The following ZNF33A variants were observed in gnomAD, a reference collection of about 807,000 sequenced individuals.
ZNF33A encodes the protein brain my041 protein.
Under a neutral mutation model 15.9 loss-of-function variants are expected in ZNF33A, and 9 were observed. That is an observed-to-expected ratio of 0.57 (90% CI 0.34 to 0.99). The LOEUF is 0.99. Among genes scored for constraint, ZNF33A ranks in the 50% least tolerant of loss-of-function variants. The probability of loss-of-function intolerance (pLI) is 0.02; values close to 1 mark genes in which losing one functional copy is unlikely to be tolerated. For missense variants in ZNF33A, 843 were observed against 941.6 expected (o/e 0.90, Z 1.37); for synonymous variants, 294 against 324.2 (o/e 0.91, Z 1.00).
At chr10:38,033,713 T>C (rs796180996) in intron 4 of ZNF33A, among the ~76,000 whole-genome samples, 21 of 149,028 alleles carry the variant, frequency 1.4e-4, no homozygotes, top group African/African-American at 4.5e-4. Context: ...TTGAACATCT[T>C]TTTTTTTTTT....
At chr10:38,039,646 T>A in intron 4 of ZNF33A, 1 of 444,050 alleles carries the variant, frequency 2.3e-6, no homozygotes, top group Non-Finnish European at 4.5e-6. Context: ...TTTCCCATTT[T>A]GTTGAAGTTA....
intron 4 of ZNF33A, among the ~76,000 whole-genome samples, chr10:38,047,231 A>G (rs950815737): frequency 1.3e-5 from 2 of 149,840 alleles, no homozygotes; most frequent in African/African-American, 4.9e-5. Context: ...ACATAGGGCA[A>G]CAACTAATGG....
Position 38,014,035 on chromosome 10 carries a change from ATTTTTTT to A in ZNF33A, c.9+1707_9+1713del, listed in dbSNP as rs10658326. Among the ~76,000 whole-genome samples, 576 of 80,376 alleles carry A rather than the reference ATTTTTTT, an allele frequency of 7.2e-3. 4 individuals carry two copies. Among genetic ancestry groups the A allele is most frequent in the African/African-American group, 0.031 (552 of 18,078 alleles). 52.7% of individuals were successfully genotyped at this position (80,376 alleles called of 152,430 possible). A position where few individuals can be genotyped will look rare whatever the true frequency, so the allele number is the denominator to read the frequency against. On this transcript the variant is annotated intron_variant, in intron 2 of 4. Transcript: ENST00000432900. ...AAAGCCCCAAATTTAATGATGTCTG[ATTTTTTT>A]TTTTTTTTTTTTTTTTTTTTTGGAG...
intron 4 of ZNF33A, among the ~76,000 whole-genome samples, chr10:38,038,175 C>T (rs2065536084): frequency 1.3e-5 from 2 of 152,084 alleles, no homozygotes; most frequent in South Asian, 4.2e-4. Flanking sequence ...TCTTACTGCC[C>T]AGGGTGGAGT....
chr10:38,047,624 CAAAAAAAAAAAAAAAAAAAAAAAAA>C (rs554054575), intron 4 of ZNF33A, among the ~76,000 whole-genome samples: 9 of 75,010 alleles, frequency 1.2e-4, no homozygotes, highest in African/African-American at 2.1e-4. Context: ...GACTCTGTCT[CAAAAAAAAAAAAAAAAAAAAAAAAA>C]AAAAAAAAAA....
At position 38,017,405 on chromosome 10, in the gene ZNF33A, C is replaced by T. The variant is rs2064509478; in HGVS notation, c.250+19C>T. ...TTTCCAGGTGAGTTAATATGTACTG[C>T]ACAGATTCACATCAGGGGATTTGTT... is the stretch of plus-strand genomic sequence containing the variant. On this transcript the variant is annotated intron_variant, in intron 4 of 4. Coordinates refer to ENST00000432900, the MANE Select transcript of ZNF33A (RefSeq NM_006954.2). 9 of 1,562,652 alleles carry T rather than the reference C, an allele frequency of 5.8e-6. No individual in the cohort carries two copies. Among genetic ancestry groups the T allele is most frequent in the South Asian group, 2.3e-5 (2 of 88,656 alleles).
At position 38,056,505 on chromosome 10, in the gene ZNF33A, C is replaced by G. The variant is rs554660631; in HGVS notation, c.2381C>G (p.Ala794Gly). ...CAGCCACAAGTCAGCCTCCATAATG[C>G]CTCAGAGTATTCACACTGTGGAGAA... ...NFQPQVSLHN[A>G]SEYSHCGESP... Residue 794 changes from alanine to glycine, a missense_variant, in exon 5 of 5, where the codon GCC (alanine) becomes GGC (glycine). Coordinates refer to ENST00000432900, the MANE Select transcript of ZNF33A (RefSeq NM_006954.2). 1 of 1,609,142 alleles carries G rather than the reference C, an allele frequency of 6.2e-7. No individual in the cohort carries two copies. The highest frequency in any genetic ancestry group is 1.1e-5 in the South Asian group (1 of 90,180).
At position 38,056,636 on chromosome 10, in the gene ZNF33A, C is replaced by T. The variant is rs2066499782; in HGVS notation, c.*76C>T. 6.8e-7 allele frequency: 1 copy of T among 1,481,040 alleles called. No individual in the cohort carries two copies. Among genetic ancestry groups the T allele is most frequent in the African/African-American group, 1.4e-5 (1 of 71,330 alleles). The allele number at this position is 1,481,040 out of a possible 1,614,324, so 91.7% of individuals were successfully genotyped here. On this transcript the variant is annotated 3_prime_UTR_variant, in exon 5 of 5. Transcript: ENST00000432900. ...CCCATAGACTACAACAATTATAGGACAGCTTTTGTTAGGAAGTGATATTCT... is the reference window on the plus strand; with the variant it reads ...CCCATAGACTACAACAATTATAGGATAGCTTTTGTTAGGAAGTGATATTCT...
intron 4 of ZNF33A, among the ~76,000 whole-genome samples, chr10:38,046,426 C>T (rs1003282351): frequency 2.6e-5 from 4 of 152,082 alleles, no homozygotes; most frequent in African/African-American, 7.2e-5. Context: ...GTCTTTTCTC[C>T]GTGGTGAGGA....
Position 38,056,455 on chromosome 10 carries a change from G to T in ZNF33A, c.2331G>T (p.Met777Ile), listed in dbSNP as rs752196955. ...HQRRHIGENL[M>I]NEMDIRNFQP... ...GAAGACATATAGGAGAAAACCTTAT[G>T]AATGAAATGGATATTAGAAATTTCC... Residue 777 changes from methionine to isoleucine, a missense_variant, in exon 5 of 5, where the codon ATG becomes ATT. Transcript: ENST00000432900. The T allele has an allele frequency of 1.9e-6, 3 of 1,613,772 alleles. No homozygotes were observed. The highest frequency in any genetic ancestry group is 1.3e-5 in the African/African-American group (1 of 74,904).
intron 4 of ZNF33A, 81 bp from the exon 5 acceptor site, chr10:38,054,294 A>G (rs973358032): frequency 5.8e-6 from 8 of 1,388,234 alleles, no homozygotes; most frequent in African/African-American, 1.5e-5. Flanking sequence ...CAGCTGCAAC[A>G]TGGGGCATTT....
chr10:38,056,948 A>T lies in ZNF33A; in HGVS notation c.*388A>T. 1 of 925,240 alleles carries T rather than the reference A, an allele frequency of 1.1e-6. No individual in the cohort carries two copies. The highest frequency in any genetic ancestry group is 1.3e-6 in the Non-Finnish European group (1 of 773,206). The allele number at this position is 925,240 out of a possible 1,614,324, so 57.3% of individuals were successfully genotyped here. On this transcript the variant is annotated 3_prime_UTR_variant, in exon 5 of 5. Coordinates refer to ENST00000432900, the MANE Select transcript of ZNF33A (RefSeq NM_006954.2). ...TTAAACAAAGGTAATAATTAAAATA[A>T]CCTCACAAGAAGTTTAATGAGTAGA...
intron 4 of ZNF33A, among the ~76,000 whole-genome samples, chr10:38,027,442 C>T (rs1012096934): frequency 6.6e-6 from 1 of 151,930 alleles, no homozygotes; most frequent in African/African-American, 2.4e-5. Flanking sequence ...CAGCCTTGAA[C>T]TTCCAGGCTC....
At chr10:38,049,267 G>A (rs1256840726) in intron 4 of ZNF33A, among the ~76,000 whole-genome samples, 1 of 151,968 alleles carries the variant, frequency 6.6e-6, no homozygotes, top group Non-Finnish European at 1.5e-5. Flanking sequence ...TTTACATATA[G>A]GAAATTTAGG....
In ZNF33A at chr10:38,055,909, C is replaced by T. The variant is rs2066456114; in HGVS notation, c.1785C>T (p.Tyr595=). 1.9e-6 allele frequency: 3 copies of T among 1,613,630 alleles called. No individual in the cohort carries two copies. In the South Asian group the frequency reaches 3.3e-5, roughly 18 times the overall value. Residue 595 remains tyrosine (Y), a synonymous_variant, in exon 5 of 5, where the codon TAC becomes TAT. Coordinates refer to ENST00000432900, the MANE Select transcript of ZNF33A (RefSeq NM_006954.2). ...ECGKIFYNKS[Y]LTKHNRTHTG... ...GAAAAATCTTTTACAATAAATCATA[C>T]CTAACTAAACATAATAGAACACATA... is the stretch of plus-strand genomic sequence containing the variant.
downstream of ZNF33A, among the ~76,000 whole-genome samples, chr10:38,062,850 A>G (rs2066670438): frequency 6.6e-6 from 1 of 151,830 alleles, no homozygotes; most frequent in African/African-American, 2.4e-5. Flanking sequence ...AAAAATAGAA[A>G]AAGTTAGCTG....
At chr10:38,010,839 G>A in intron 1 of ZNF33A, 56 bp downstream of exon 1, 2 of 1,592,564 alleles carry the variant, frequency 1.3e-6, no homozygotes, top group Non-Finnish European at 1.7e-6. Flanking sequence ...GACTCCTGGG[G>A]CGGGCGGCAG....
At chr10:38,050,273 G>T (rs1226020367) in intron 4 of ZNF33A, among the ~76,000 whole-genome samples, 6 of 152,204 alleles carry the variant, frequency 3.9e-5, no homozygotes, top group African/African-American at 1.4e-4. Flanking sequence ...GAAACCAGTG[G>T]TGTATAACAT....
rs2066620365 is a variant in ZNF33A, at chr10:38,059,644, A to G, written c.*3084A>G. 1 of 152,212 alleles carries G rather than the reference A, an allele frequency of 6.6e-6. No individual in the cohort carries two copies. Among genetic ancestry groups the G allele is most frequent in the African/African-American group, 2.4e-5 (1 of 41,454 alleles). The allele number at this position is 152,212 out of a possible 1,614,324, so 9.4% of individuals were successfully genotyped here. On this transcript the variant is annotated 3_prime_UTR_variant, in exon 5 of 5. Transcript: ENST00000432900. ...TATTTTGTATGATTGCAATTATATG[A>G]CATTTTGGGAGAGGCAAAACTATTG...
Sources: allele counts gnomAD v4.1 joint callset (sites outside exome capture counted in the v4.1 genomes callset), GRCh38; gene constraint gnomAD v4.1.1; transcripts MANE v1.5; gene names NCBI Gene and HGNC (gene_info 2026-07-23, HGNC 2026-07-21).